The following NPTN variants were observed in gnomAD, a reference collection of about 807,000 sequenced individuals.
NPTN encodes the protein neuroplastin, also known as SDR-1.
A neutral mutation model predicts 42.7 loss-of-function variants in NPTN; 5 were observed. The observed-to-expected ratio is 0.12, with a 90% CI of 0.06 to 0.25. The LOEUF (loss-of-function observed/expected upper bound fraction) is 0.25, where lower values mean the gene tolerates loss of function less well. Among genes scored for constraint, NPTN ranks in the 10% least tolerant of loss-of-function variants. The pLI is 1.00. For synonymous variants in NPTN, 180 were observed against 201.9 expected, an observed-to-expected ratio of 0.89 and a Z score of 0.92; for missense variants, 307 against 525.4, an observed-to-expected ratio of 0.58 and a Z score of 4.06.
At chr15:73,608,714 G>A (rs1370279229) in intron 1 of NPTN, among the ~76,000 whole-genome samples, 1 of 152,162 alleles carries the variant, frequency 6.6e-6, no homozygotes, top group African/African-American at 2.4e-5. Context: ...AAGTCAACAA[G>A]GAGTTAAGAA....
intron 5 of NPTN, among the ~76,000 whole-genome samples, chr15:73,572,763 G>C (rs559160795): frequency 6.6e-6 from 1 of 152,328 alleles, no homozygotes; most frequent in African/African-American, 2.4e-5. Context: ...AAATGGACGA[G>C]AATTAGGCTC....
Position 73,633,233 on chromosome 15 carries a change from C to G in NPTN, c.-18G>C. 2.6e-6 allele frequency: 4 copies of G among 1,510,020 alleles called. No homozygotes were observed. The highest frequency in any genetic ancestry group is 3.5e-6 in the Non-Finnish European group (4 of 1,133,030). The allele number at this position is 1,510,020 out of a possible 1,614,324, so 93.5% of individuals were successfully genotyped here. On this transcript the variant is annotated 5_prime_UTR_variant, in exon 1 of 9. Transcript: ENST00000345330. ...CCCGACATCCTCCCTAGCAGAAGAC[C>G]CAACAGCGAATGGGCCGGGGCCAGA... is the stretch of plus-strand genomic sequence containing the variant.
chr15:73,613,071 T>C (rs1897669727), intron 1 of NPTN, among the ~76,000 whole-genome samples: 1 of 152,216 alleles, frequency 6.6e-6, no homozygotes, highest in Non-Finnish European at 1.5e-5. Flanking sequence ...ACAGGGAACC[T>C]GGAGGATGTA....
At chr15:73,591,750 G>A (rs1004274497) in intron 3 of NPTN, 1 of 412,958 alleles carries the variant, frequency 2.4e-6, no homozygotes, top group Admixed American at 3.9e-5. Context: ...ATAGTGAGGG[G>A]ATCATCTATG....
At chr15:73,621,943 A>G (rs1359677953) in intron 1 of NPTN, among the ~76,000 whole-genome samples, 1 of 152,150 alleles carries the variant, frequency 6.6e-6, no homozygotes, top group Non-Finnish European at 1.5e-5. Flanking sequence ...GAGAGCTCTT[A>G]CAATGAATTA....
chr15:73,614,319 T>TAAA (rs11427278), intron 1 of NPTN, among the ~76,000 whole-genome samples: 13 of 150,032 alleles, frequency 8.7e-5, no homozygotes, highest in Middle Eastern at 3.4e-3. Context: ...GACCCTGTCT[T>TAAA]AAAAAAAAAA....
In NPTN at chr15:73,578,821, T is replaced by C. The variant is rs570284910; in HGVS notation, c.707-5026A>G. 2.1e-4 allele frequency among the ~76,000 whole-genome samples: 32 copies of C among 151,902 alleles called. No homozygotes were observed. The East Asian group carries it at 4.5e-3, about 21-fold the overall frequency. ...CCAGCCTGGCCAACCTGGTGAAACC[T>C]TGTCTCTACAAAAATACAAAAATTA... On this transcript the variant is annotated intron_variant, in intron 4 of 8. Transcript: ENST00000345330.
At chr15:73,622,718 A>C (rs1242591450) in intron 1 of NPTN, among the ~76,000 whole-genome samples, 2 of 152,192 alleles carry the variant, frequency 1.3e-5, no homozygotes, top group African/African-American at 4.8e-5. Flanking sequence ...GTCCATATTA[A>C]ATCTACTTTA....
chr15:73,629,112 C>G (rs1436906702), intron 1 of NPTN, among the ~76,000 whole-genome samples: 2 of 152,128 alleles, frequency 1.3e-5, no homozygotes, highest in South Asian at 2.1e-4. Flanking sequence ...TAAAACAAAC[C>G]CAGGGAATGG....
chr15:73,611,770 G>A (rs2141452230), intron 1 of NPTN, among the ~76,000 whole-genome samples: 1 of 152,232 alleles, frequency 6.6e-6, no homozygotes, highest in Non-Finnish European at 1.5e-5. Flanking sequence ...GTGATGATGT[G>A]TCAGTGTAGG....
chr15:73,591,928 T>C (rs905473434), intron 3 of NPTN, 38 bp downstream of exon 3: 1 of 1,572,332 alleles, frequency 6.4e-7, no homozygotes, highest in African/African-American at 1.4e-5. Context: ...TCAGCCACAC[T>C]CCCTCCCACC....
chr15:73,582,551 G>A (rs573338850), intron 4 of NPTN, among the ~76,000 whole-genome samples: 2 of 152,312 alleles, frequency 1.3e-5, no homozygotes, highest in South Asian at 4.1e-4. Flanking sequence ...AAGAGGTGTA[G>A]AAGTTTCCTT....
intron 4 of NPTN, among the ~76,000 whole-genome samples, chr15:73,585,277 C>G (rs1264555697): frequency 1.3e-4 from 20 of 152,150 alleles, no homozygotes; most frequent in Admixed American, 1.3e-3. Context: ...AGTACAACCA[C>G]CTCTTAACTC....
intron 4 of NPTN, among the ~76,000 whole-genome samples, chr15:73,576,575 C>T (rs766645183): frequency 1.3e-5 from 2 of 152,166 alleles, no homozygotes; most frequent in African/African-American, 4.8e-5. Context: ...GTGATCCACC[C>T]GCCTCAGCCT....
intron 1 of NPTN, among the ~76,000 whole-genome samples, chr15:73,631,230 C>T (rs1000742363): frequency 1.3e-5 from 2 of 152,196 alleles, no homozygotes; most frequent in Admixed American, 6.5e-5. Context: ...TGAAACTATG[C>T]TATTACCATA....
chr15:73,577,298 T>A (rs1321760902), intron 4 of NPTN, among the ~76,000 whole-genome samples: 3 of 152,162 alleles, frequency 2.0e-5, no homozygotes. Flanking sequence ...ATGTCCCCTA[T>A]CAGCAGGAAG....
chr15:73,576,540 G>A (rs947232564), intron 4 of NPTN, among the ~76,000 whole-genome samples: 18 of 152,100 alleles, frequency 1.2e-4, no homozygotes, highest in Admixed American at 2.6e-4. Flanking sequence ...TGTTGGCCAG[G>A]CTGGTCTCAA....
At chr15:73,582,331 C>T (rs966772161) in intron 4 of NPTN, among the ~76,000 whole-genome samples, 2 of 152,184 alleles carry the variant, frequency 1.3e-5, no homozygotes, top group African/African-American at 2.4e-5. Flanking sequence ...ACAAAATGAA[C>T]ACTTGGCTGA....
chr15:73,562,273 A>G (rs1178527732), intron 7 of NPTN, among the ~76,000 whole-genome samples: 3 of 152,166 alleles, frequency 2.0e-5, no homozygotes, highest in African/African-American at 7.2e-5. Flanking sequence ...AAATGCTCCA[A>G]TGAGCATTTC....
Sources: gnomAD v4.1 joint callset for allele counts (sites outside exome capture counted in the v4.1 genomes callset) on GRCh38, gnomAD v4.1.1 for gene constraint, MANE v1.5 for transcripts, NCBI Gene and HGNC (gene_info 2026-07-23, HGNC 2026-07-21) for gene names.